The following PDS5B variants were observed in gnomAD, a reference collection of about 807,000 sequenced individuals.
PDS5B encodes sister chromatid cohesion protein PDS5 homolog B.
PDS5B carries 51 observed loss-of-function variants against 184.1 expected under a neutral mutation model. That is an observed-to-expected ratio of 0.28 (90% CI 0.22 to 0.35). PDS5B has a LOEUF of 0.35. Among genes scored for constraint, PDS5B ranks in the 10% least tolerant of loss-of-function variants. The pLI, the probability that PDS5B is intolerant of heterozygous loss-of-function variation, is 1.00. For synonymous variants in PDS5B, 566 were observed against 569.2 expected (o/e 0.99, Z 0.08); for missense variants, 1,180 against 1,723.3 (o/e 0.68, Z 5.58).
intron 19 of PDS5B, among the ~76,000 whole-genome samples, chr13:32,731,731 G>T (rs975881625): frequency 3.3e-5 from 5 of 152,094 alleles, no homozygotes; most frequent in South Asian, 2.1e-4. Context: ...AGAGACTTGA[G>T]AAAGAAGAGA....
intron 30 of PDS5B, 46 bp from the exon 31 acceptor site, chr13:32,764,443 A>G: frequency 3.3e-6 from 4 of 1,194,918 alleles, no homozygotes; most frequent in Non-Finnish European, 4.7e-6. Flanking sequence ...AAAAGCTTGT[A>G]AGGTTATTTG....
intron 9 of PDS5B, among the ~76,000 whole-genome samples, chr13:32,676,361 A>G (rs1275136138): frequency 2.6e-5 from 4 of 152,186 alleles, no homozygotes; most frequent in Non-Finnish European, 5.9e-5. Flanking sequence ...ATGACTATTT[A>G]TATTTCTCTT....
chr13:32,676,338 A>T (rs1251913763), intron 9 of PDS5B, among the ~76,000 whole-genome samples: 1 of 152,158 alleles, frequency 6.6e-6, no homozygotes, highest in Non-Finnish European at 1.5e-5. Flanking sequence ...GTATTCACAG[A>T]GTGAATAAAG....
chr13:32,609,864 G>T (rs894956425), intron 1 of PDS5B, among the ~76,000 whole-genome samples: 2 of 150,024 alleles, frequency 1.3e-5, no homozygotes, highest in Admixed American at 6.7e-5. Flanking sequence ...GAGATCTCTA[G>T]CAGAGGCTAA....
chr13:32,737,790 A>G (rs1593562956), intron 21 of PDS5B, among the ~76,000 whole-genome samples: 1 of 152,214 alleles, frequency 6.6e-6, no homozygotes, highest in Non-Finnish European at 1.5e-5. Context: ...TCATAATACA[A>G]TGAACACCTA....
chr13:32,612,987 C>A (rs753926200), intron 1 of PDS5B, among the ~76,000 whole-genome samples: 1 of 152,166 alleles, frequency 6.6e-6, no homozygotes, highest in East Asian at 1.9e-4. Context: ...CTGAACATTG[C>A]GTATTAATGA....
intron 19 of PDS5B, 141 bp downstream of exon 19, chr13:32,710,247 C>T (rs746730799): frequency 9.6e-6 from 5 of 522,302 alleles, no homozygotes; most frequent in Non-Finnish European, 1.6e-5. Context: ...AGTTTAGATT[C>T]TCCTTTCCTG....
intron 25 of PDS5B, among the ~76,000 whole-genome samples, chr13:32,755,586 CA>C (rs1218570051): frequency 6.6e-6 from 1 of 152,028 alleles, no homozygotes; most frequent in African/African-American, 2.4e-5. Context: ...AGCCTCAGCC[CA>C]TGGTGTATTT....
chr13:32,773,424 C>A, intron 34 of PDS5B, 100 bp downstream of exon 34: 1 of 1,033,396 alleles, frequency 9.7e-7, no homozygotes, highest in Non-Finnish European at 1.4e-6. Flanking sequence ...ATATGTTTTA[C>A]TTCATTAGTT....
At chr13:32,597,720 AT>A (rs1258116963) in intron 1 of PDS5B, among the ~76,000 whole-genome samples, 7 of 151,856 alleles carry the variant, frequency 4.6e-5, no homozygotes, top group African/African-American at 1.7e-4. Flanking sequence ...GGTGGTGTGC[AT>A]CTGTAGTACC....
intron 1 of PDS5B, among the ~76,000 whole-genome samples, chr13:32,631,545 A>G (rs1241671535): frequency 2.0e-5 from 3 of 152,232 alleles, no homozygotes; most frequent in Admixed American, 1.3e-4. Context: ...CTGGGATATA[A>G]TAGGTGCTCA....
intron 1 of PDS5B, among the ~76,000 whole-genome samples, chr13:32,642,454 AG>A (rs1950122342): frequency 6.6e-6 from 1 of 152,140 alleles, no homozygotes; most frequent in African/African-American, 2.4e-5. Context: ...GCTGTAGGGG[AG>A]GAGCCTAGCT....
At chr13:32,694,761 C>G (rs981801905) in intron 14 of PDS5B, among the ~76,000 whole-genome samples, 7 of 150,536 alleles carry the variant, frequency 4.7e-5, no homozygotes, top group Non-Finnish European at 7.4e-5. Context: ...AATGTACTAC[C>G]TAGTATTTAT....
intron 15 of PDS5B, 56 bp downstream of exon 15, chr13:32,696,958 A>C (rs1951725008): frequency 3.7e-6 from 4 of 1,083,846 alleles, no homozygotes; most frequent in Non-Finnish European, 5.5e-6. Context: ...CATTTTTTAT[A>C]ATTTTAAGTG....
intron 1 of PDS5B, among the ~76,000 whole-genome samples, chr13:32,613,937 A>C (rs941724614): frequency 1.3e-5 from 2 of 152,206 alleles, no homozygotes; most frequent in Admixed American, 1.3e-4. Context: ...AGGCATGCAC[A>C]TTCATTCTTT....
chr13:32,753,784 G>A (rs1048184932), intron 25 of PDS5B, among the ~76,000 whole-genome samples: 1 of 152,038 alleles, frequency 6.6e-6, no homozygotes, highest in Non-Finnish European at 1.5e-5. Context: ...TGACATTGGA[G>A]GTACTTTTAA....
In PDS5B at chr13:32,709,977, A is replaced by G. The variant is rs1952153990; in HGVS notation, c.1994A>G (p.His665Arg). Residue 665 changes from histidine (H) to arginine (R), a missense_variant, in exon 19 of 35, where the codon CAT (histidine) becomes CGT (arginine). By Grantham distance (29) the His-to-Arg change is conservative (BLOSUM62 0). Transcript: ENST00000315596. ...VLSFTHPISF[H>R]SAETFESLLA... Reference sequence around the variant, plus strand: ...TCATTTACACATCCCATCTCATTTCATTCTGCTGAAACATTTGAATCATTA... The same window carrying G: ...TCATTTACACATCCCATCTCATTTCGTTCTGCTGAAACATTTGAATCATTA... 1 of 1,491,154 alleles carries G rather than the reference A, an allele frequency of 6.7e-7. No individual in the cohort carries two copies. Among genetic ancestry groups the G allele is most frequent in the East Asian group, 2.4e-5 (1 of 42,548 alleles). 92.4% of individuals were successfully genotyped at this position (1,491,154 alleles called of 1,614,324 possible).
chr13:32,637,896 C>T (rs1468840765), intron 1 of PDS5B, among the ~76,000 whole-genome samples: 2 of 152,160 alleles, frequency 1.3e-5, no homozygotes, highest in Non-Finnish European at 2.9e-5. Flanking sequence ...TAACAAATCA[C>T]CCGAAGACTG....
chr13:32,592,741 C>T (rs60609138), intron 1 of PDS5B, among the ~76,000 whole-genome samples: 2 of 152,002 alleles, frequency 1.3e-5, no homozygotes, highest in Admixed American at 6.5e-5. Context: ...AATATATGCT[C>T]CTATGATATA....
Sources: gnomAD v4.1 joint callset for allele counts (sites outside exome capture counted in the v4.1 genomes callset) on GRCh38, gnomAD v4.1.1 for gene constraint, MANE v1.5 for transcripts, NCBI Gene and HGNC (gene_info 2026-07-23, HGNC 2026-07-21) for gene names.